The following PHF2 variants were observed in gnomAD, a reference collection of about 807,000 sequenced individuals.
The protein encoded by PHF2 is lysine-specific demethylase PHF2.
Under a neutral mutation model 120.5 loss-of-function variants are expected in PHF2, and 27 were observed. That is an observed-to-expected ratio of 0.22 (90% CI 0.17 to 0.31). PHF2 has a LOEUF of 0.31. Ranked by LOEUF, PHF2 falls within the 10% of genes least tolerant of loss-of-function variation. The pLI, the probability that PHF2 is intolerant of heterozygous loss-of-function variation, is 1.00. For missense variants in PHF2, 1,024 were observed against 1,434.8 expected (o/e 0.71, Z 4.63); for synonymous variants, 568 against 592.5 (o/e 0.96, Z 0.60).
chr9:93,647,077 T>G (rs891117604), intron 4 of PHF2, among the ~76,000 whole-genome samples: 1 of 152,174 alleles, frequency 6.6e-6, no homozygotes, highest in Non-Finnish European at 1.5e-5. Context: ...GGTGGGCTGT[T>G]TCTGTCTTGC....
intron 1 of PHF2, among the ~76,000 whole-genome samples, chr9:93,629,081 A>G (rs1180960719): frequency 6.6e-6 from 1 of 151,768 alleles, no homozygotes. Context: ...TTGTATTTTT[A>G]TTACAGACAG....
At position 93,662,954 on chromosome 9, in the gene PHF2, G is replaced by A; in HGVS notation, c.1746G>A (p.Met582Ile). The change falls in exon 13 of 22, where the codon ATG becomes ATA. Residue 582 changes from methionine (M) to isoleucine (I), a missense_variant. By Grantham distance (10) the Met-to-Ile change is conservative (BLOSUM62 1). Around this residue, in one of 2 missense-constraint regions of PHF2, gnomAD observed 677 missense variants for 857.4 expected, o/e 0.79. Coordinates refer to ENST00000359246, the MANE Select transcript of PHF2 (RefSeq NM_005392.4). ...LSVPNKDVVH[M>I]QNDVERLEIR... ...TGCCCAACAAAGATGTGGTTCACAT[G>A]CAGAATGATGTGGAGAGGCTGGAAA... is the stretch of plus-strand genomic sequence containing the variant. The A allele has an allele frequency of 6.2e-7, 1 of 1,614,116 alleles. No homozygotes were observed.
At chr9:93,626,069 C>G (rs1229101551) in intron 1 of PHF2, among the ~76,000 whole-genome samples, 1 of 151,958 alleles carries the variant, frequency 6.6e-6, no homozygotes, top group African/African-American at 2.4e-5. Flanking sequence ...AAGGTGAAAC[C>G]CCATCTCTAC....
Position 93,678,609 on chromosome 9 carries a change from A to G in PHF2, c.*933A>G, listed in dbSNP as rs1185955348. 6.5e-6 allele frequency: 1 copy of G among 152,690 alleles called. No individual in the cohort carries two copies. Among genetic ancestry groups the G allele is most frequent in the Non-Finnish European group, 1.5e-5 (1 of 68,224 alleles). The allele number at this position is 152,690 out of a possible 1,614,324, so 9.5% of individuals were successfully genotyped here. ...TGTCGCCTGCATGGGTCGTACCTGGATGGTGTGTCCACCATCGACACGGAG... is the reference window on the plus strand; with the variant it reads ...TGTCGCCTGCATGGGTCGTACCTGGGTGGTGTGTCCACCATCGACACGGAG... On this transcript the variant is annotated 3_prime_UTR_variant, in exon 22 of 22. Transcript: ENST00000359246.
At chr9:93,646,242 G>A (rs1826257453) in intron 4 of PHF2, among the ~76,000 whole-genome samples, 1 of 152,242 alleles carries the variant, frequency 6.6e-6, no homozygotes, top group Non-Finnish European at 1.5e-5. Flanking sequence ...TCTAGCCAGT[G>A]CCATTGCCAT....
intron 3 of PHF2, among the ~76,000 whole-genome samples, chr9:93,644,823 G>C (rs1282966079): frequency 6.6e-6 from 1 of 152,108 alleles, no homozygotes; most frequent in Non-Finnish European, 1.5e-5. Context: ...CATGTCCCTG[G>C]GAGGATTCCT....
At chr9:93,581,068 A>G (rs1862921783) in intron 1 of PHF2, among the ~76,000 whole-genome samples, 1 of 152,080 alleles carries the variant, frequency 6.6e-6, no homozygotes, top group South Asian at 2.1e-4. Flanking sequence ...TAGAGTGGAC[A>G]AGACTTGCCT....
intron 1 of PHF2, among the ~76,000 whole-genome samples, chr9:93,593,112 GA>G (rs1336946456): frequency 0.01 from 980 of 97,488 alleles, 53 homozygotes; most frequent in African/African-American, 0.035. Context: ...AAAAAAAAAA[GA>G]AAAAAAAAGG....
At chr9:93,672,670 AG>A (rs1183292092) in intron 17 of PHF2, 2 of 983,124 alleles carry the variant, frequency 2.0e-6, no homozygotes, top group African/African-American at 3.5e-5. Flanking sequence ...GTGTAGATGC[AG>A]GTGTGGTTGG....
At chr9:93,609,545 C>T (rs1296903515) in intron 1 of PHF2, among the ~76,000 whole-genome samples, 2 of 149,074 alleles carry the variant, frequency 1.3e-5, no homozygotes, top group Non-Finnish European at 3.0e-5. Flanking sequence ...ATACAGAATT[C>T]TAGGTTGGTT....
chr9:93,648,826 C>T (rs1477419192), intron 4 of PHF2, among the ~76,000 whole-genome samples: 1 of 152,102 alleles, frequency 6.6e-6, no homozygotes, highest in Non-Finnish European at 1.5e-5. Flanking sequence ...TGGCCACCGT[C>T]GCTGAGGCCT....
intron 1 of PHF2, among the ~76,000 whole-genome samples, chr9:93,582,301 A>G (rs907436771): frequency 3.9e-5 from 6 of 152,210 alleles, no homozygotes; most frequent in Non-Finnish European, 8.8e-5. Context: ...CGGGGCTGAT[A>G]ACTGCTCGTG....
intron 4 of PHF2, among the ~76,000 whole-genome samples, chr9:93,647,470 A>G (rs781170459): frequency 1.3e-5 from 2 of 152,020 alleles, no homozygotes; most frequent in Non-Finnish European, 2.9e-5. Context: ...TTATGATGGA[A>G]CTTTTTAAAT....
intron 17 of PHF2, among the ~76,000 whole-genome samples, chr9:93,670,295 C>A (rs1826758682): frequency 6.6e-6 from 1 of 152,170 alleles, no homozygotes; most frequent in Non-Finnish European, 1.5e-5. Flanking sequence ...GCTGCCTTGT[C>A]CTGGGGCCAG....
intron 1 of PHF2, among the ~76,000 whole-genome samples, chr9:93,604,700 G>A (rs1261608684): frequency 6.6e-6 from 1 of 152,116 alleles, no homozygotes; most frequent in African/African-American, 2.4e-5. Flanking sequence ...TCCTGACCTT[G>A]TGATCCGCCT....
chr9:93,597,221 G>C (rs78547192), intron 1 of PHF2, among the ~76,000 whole-genome samples: 10,882 of 152,210 alleles, frequency 0.071, 511 homozygotes, highest in Non-Finnish European at 0.097. Flanking sequence ...GAGCCATCGC[G>C]CCTGGCCTCT....
At chr9:93,638,844 A>G (rs954131777) in intron 3 of PHF2, among the ~76,000 whole-genome samples, 3 of 152,002 alleles carry the variant, frequency 2.0e-5, no homozygotes, top group Non-Finnish European at 4.4e-5. Context: ...TCAGCCTCCT[A>G]AGTAGCTGGG....
chr9:93,619,052 C>G (rs1312151539), intron 1 of PHF2, among the ~76,000 whole-genome samples: 2 of 151,636 alleles, frequency 1.3e-5, no homozygotes, highest in Non-Finnish European at 2.9e-5. Context: ...ATGTGGTACA[C>G]TGGGGGTCTG....
chr9:93,657,119 G>A (rs994019514), intron 9 of PHF2, among the ~76,000 whole-genome samples: 3 of 151,922 alleles, frequency 2.0e-5, no homozygotes, highest in African/African-American at 7.3e-5. Flanking sequence ...AGAGATGAGA[G>A]CAGGTGGCTC....
Sources: allele counts gnomAD v4.1 joint callset (sites outside exome capture counted in the v4.1 genomes callset), GRCh38; gene constraint gnomAD v4.1.1; regional missense constraint gnomAD v4.1.1; transcripts MANE v1.5; gene names NCBI Gene and HGNC (gene_info 2026-07-23, HGNC 2026-07-21).